SLC22A9: variants seen among roughly 807,000 people sequenced by gnomAD.
SLC22A9 encodes the protein organic anion transporter 7.
A neutral mutation model predicts 50.1 loss-of-function variants in SLC22A9; 64 were observed. The ratio of observed to expected loss-of-function variants is 1.28; its 90% confidence interval spans 1.04 to 1.57. The LOEUF (loss-of-function observed/expected upper bound fraction) is 1.57. SLC22A9 is among the 40% of genes most tolerant of loss of function. The pLI, the probability that SLC22A9 is intolerant of heterozygous loss-of-function variation, is 0.00. For synonymous variants in SLC22A9, 261 were observed against 242.5 expected, an observed-to-expected ratio of 1.08 and a Z score of -0.71; for missense variants, 757 against 676.1, an observed-to-expected ratio of 1.12 and a Z score of -1.33.
At chr11:63,389,687 G>A (rs1435471852) in intron 6 of SLC22A9, among the ~76,000 whole-genome samples, 1 of 152,124 alleles carries the variant, frequency 6.6e-6, no homozygotes, top group African/African-American at 2.4e-5. Context: ...AATCCTTTGG[G>A]TACATACCCA....
chr11:63,379,710 T>C lies in SLC22A9; in HGVS notation c.955-2449T>C, dbSNP rs115933009. Among the ~76,000 whole-genome samples, 927 of 152,210 alleles carry C rather than the reference T, an allele frequency of 6.1e-3. 10 individuals carry two copies. The highest frequency in any genetic ancestry group is 0.02 in the African/African-American group (848 of 41,530). On this transcript the variant is annotated intron_variant, in intron 5 of 9. Coordinates refer to ENST00000279178, the MANE Select transcript of SLC22A9 (RefSeq NM_080866.3). ...GCCCATAAAAAATGGCCAAAGCACA[T>C]GAACAAACAGTTGTTTTTGTTTTGT...
intron 5 of SLC22A9, 22 bp from the exon 6 acceptor site, chr11:63,382,137 A>G (rs1415613533): frequency 3.2e-6 from 5 of 1,579,694 alleles, no homozygotes; most frequent in Non-Finnish European, 4.3e-6. Context: ...TGTACAGTTT[A>G]TTGTTTCTGC....
intron 6 of SLC22A9, among the ~76,000 whole-genome samples, chr11:63,390,027 G>T (rs1565185997): frequency 6.6e-6 from 1 of 151,466 alleles, no homozygotes; most frequent in Non-Finnish European, 1.5e-5. Context: ...TGATGGGGTT[G>T]TTTTTTCTGG....
At chr11:63,387,943 G>T (rs1373522129) in intron 6 of SLC22A9, among the ~76,000 whole-genome samples, 1 of 151,798 alleles carries the variant, frequency 6.6e-6, no homozygotes, top group African/African-American at 2.4e-5. Context: ...GTCTTTTTTA[G>T]ATGGTTCCTT....
chr11:63,376,170 G>T (rs1013373910), intron 5 of SLC22A9, among the ~76,000 whole-genome samples: 4 of 152,034 alleles, frequency 2.6e-5, no homozygotes, highest in Admixed American at 1.3e-4. Flanking sequence ...AACATAAAGA[G>T]TTCACTTATT....
intron 4 of SLC22A9, 54 bp downstream of exon 4, chr11:63,374,116 G>A (rs897003392): frequency 6.7e-7 from 1 of 1,502,756 alleles, no homozygotes; most frequent in Non-Finnish European, 9.0e-7. Context: ...GAGAATGTAT[G>A]TGGAACTAGG....
intron 1 of SLC22A9, 117 bp from the exon 2 acceptor site, chr11:63,371,018 G>A (rs948980031): frequency 7.5e-6 from 5 of 666,196 alleles, no homozygotes; most frequent in African/African-American, 3.7e-5. Flanking sequence ...GAGAAAGGAA[G>A]CCACAGAGGA....
At chr11:63,395,880 A>G (rs552645362) in intron 6 of SLC22A9, among the ~76,000 whole-genome samples, 4 of 152,184 alleles carry the variant, frequency 2.6e-5, no homozygotes, top group Admixed American at 6.5e-5. Flanking sequence ...GTCTTACTAC[A>G]GCTGCTGTTG....
At chr11:63,400,513 C>T (rs1445379700) in intron 6 of SLC22A9, among the ~76,000 whole-genome samples, 1 of 152,018 alleles carries the variant, frequency 6.6e-6, no homozygotes, top group Non-Finnish European at 1.5e-5. Flanking sequence ...AAGACACCAG[C>T]AGTAATAAAA....
chr11:63,379,218 C>A (rs933598969), intron 5 of SLC22A9, among the ~76,000 whole-genome samples: 1 of 152,016 alleles, frequency 6.6e-6, no homozygotes, highest in Non-Finnish European at 1.5e-5. Flanking sequence ...TAATGCCATA[C>A]CTCTACAACC....
At chr11:63,391,080 C>T (rs2014755979) in intron 6 of SLC22A9, among the ~76,000 whole-genome samples, 1 of 152,046 alleles carries the variant, frequency 6.6e-6, no homozygotes, top group Non-Finnish European at 1.5e-5. Flanking sequence ...TATTGATCCA[C>T]TTGCACTCAG....
intron 6 of SLC22A9, among the ~76,000 whole-genome samples, chr11:63,404,199 A>G (rs778377392): frequency 6.6e-6 from 1 of 152,116 alleles, no homozygotes; most frequent in African/African-American, 2.4e-5. Flanking sequence ...AACATGTATG[A>G]ACCTTGGGCT....
At chr11:63,385,127 T>G (rs2014641754) in intron 6 of SLC22A9, among the ~76,000 whole-genome samples, 1 of 138,508 alleles carries the variant, frequency 7.2e-6, no homozygotes, top group African/African-American at 2.7e-5. Context: ...TTTTTTTTTT[T>G]GCTGTGCAGA....
At chr11:63,391,145 A>G (rs913758831) in intron 6 of SLC22A9, among the ~76,000 whole-genome samples, 11 of 151,956 alleles carry the variant, frequency 7.2e-5, no homozygotes, top group Non-Finnish European at 1.6e-4. Flanking sequence ...TCCTCTTGTT[A>G]TTGATTTCTA....
At chr11:63,409,284 G>A (rs2015094919) in intron 9 of SLC22A9, among the ~76,000 whole-genome samples, 1 of 152,188 alleles carries the variant, frequency 6.6e-6, no homozygotes, top group Non-Finnish European at 1.5e-5. Flanking sequence ...GATTGCCAGT[G>A]CTTACAGGCC....
At chr11:63,393,963 C>T (rs2119963751) in intron 6 of SLC22A9, among the ~76,000 whole-genome samples, 1 of 152,086 alleles carries the variant, frequency 6.6e-6, no homozygotes, top group Non-Finnish European at 1.5e-5. Flanking sequence ...TCTTTTAGTC[C>T]CATATTTCTT....
chr11:63,394,852 G>A (rs1468347615), intron 6 of SLC22A9, among the ~76,000 whole-genome samples: 1 of 152,006 alleles, frequency 6.6e-6, no homozygotes, highest in Non-Finnish European at 1.5e-5. Flanking sequence ...TCTTACTCAG[G>A]AACACCAAAT....
chr11:63,373,988 T>C lies in SLC22A9; in HGVS notation c.756T>C (p.Ala252=), dbSNP rs772558812. 2.5e-6 allele frequency: 4 copies of C among 1,613,654 alleles called. No homozygotes were observed. Among genetic ancestry groups the C allele is most frequent in the Non-Finnish European group, 3.4e-6 (4 of 1,179,776 alleles). The part of the protein sequence containing the change: ...GIAFMTLAGL[A]FAIRDWHILQ... ...CATTTATGACCCTGGCAGGCCTGGC[T>C]TTTGCCATTCGAGACTGGCATATCC... Residue 252 remains alanine, a synonymous_variant, in exon 4 of 10, where the codon GCT becomes GCC. Transcript: ENST00000279178.
intron 6 of SLC22A9, among the ~76,000 whole-genome samples, chr11:63,393,116 T>C (rs954350296): frequency 6.6e-6 from 1 of 152,210 alleles, no homozygotes; most frequent in Non-Finnish European, 1.5e-5. Context: ...TACCCATCCA[T>C]TAACATGGGA....
Sources: gnomAD v4.1 joint callset for allele counts (sites outside exome capture counted in the v4.1 genomes callset) on GRCh38, gnomAD v4.1.1 for gene constraint, MANE v1.5 for transcripts, NCBI Gene and HGNC (gene_info 2026-07-23, HGNC 2026-07-21) for gene names.